AUH: variants seen among roughly 807,000 people sequenced by gnomAD.
AUH encodes the protein AU RNA binding methylglutaconyl-CoA hydratase, also known as methylglutaconyl-CoA hydratase, mitochondrial.
Under a neutral mutation model 42.3 loss-of-function variants are expected in AUH, and 29 were observed. That is an observed-to-expected ratio of 0.69 (90% CI 0.51 to 0.93). AUH has a LOEUF of 0.93. Among genes scored for constraint, AUH ranks in the 40% least tolerant of loss-of-function variants. The probability of loss-of-function intolerance (pLI) is 0.00; values close to 1 mark genes in which losing one functional copy is unlikely to be tolerated. For missense variants in AUH, 452 were observed against 438.1 expected (o/e 1.03, Z -0.28); for synonymous variants, 174 against 166.4 (o/e 1.05, Z -0.35).
At chr9:91,325,474 T>C in intron 3 of AUH, 70 bp from the exon 4 acceptor site, 2 of 1,288,610 alleles carry the variant, frequency 1.6e-6, no homozygotes, top group South Asian at 1.2e-5. Context: ...ATTGAAAATT[T>C]ACTTAAGATT....
chr9:91,306,714 T>C (rs1392506495), intron 4 of AUH, among the ~76,000 whole-genome samples: 2 of 152,214 alleles, frequency 1.3e-5, no homozygotes, highest in Non-Finnish European at 2.9e-5. Context: ...TCTGGATACT[T>C]AAGCTAATCC....
At chr9:91,286,585 TA>T (rs1747727354) in intron 6 of AUH, among the ~76,000 whole-genome samples, 1 of 152,056 alleles carries the variant, frequency 6.6e-6, no homozygotes, top group Non-Finnish European at 1.5e-5. Flanking sequence ...AGGAATCACA[TA>T]ATAAACACAA....
intron 6 of AUH, among the ~76,000 whole-genome samples, chr9:91,269,451 C>A (rs536585609): frequency 1.3e-5 from 2 of 152,168 alleles, no homozygotes; most frequent in South Asian, 4.1e-4. Flanking sequence ...TAAATATAAA[C>A]GTTTAAATTT....
chr9:91,336,777 GATC>G (rs1180629589), intron 3 of AUH, among the ~76,000 whole-genome samples: 5 of 151,960 alleles, frequency 3.3e-5, no homozygotes, highest in Non-Finnish European at 7.3e-5. Context: ...ATCTCTAGCA[GATC>G]ATCATTACTA....
intron 3 of AUH, chr9:91,342,904 C>T (rs532402734): frequency 1.3e-5 from 2 of 152,470 alleles, no homozygotes; most frequent in South Asian, 4.1e-4. Flanking sequence ...TTAACCTACT[C>T]AACATGAAGA....
chr9:91,222,229 T>C (rs567947367), intron 6 of AUH, among the ~76,000 whole-genome samples: 47 of 152,274 alleles, frequency 3.1e-4, no homozygotes, highest in Admixed American at 5.2e-4. Context: ...CACACCTCTA[T>C]GAAAAGTGGA....
intron 3 of AUH, among the ~76,000 whole-genome samples, chr9:91,355,489 G>T (rs527442735): frequency 6.6e-6 from 1 of 151,884 alleles, no homozygotes; most frequent in Non-Finnish European, 1.5e-5. Context: ...CTGGGGAGAC[G>T]AGGGTTGCAG....
chr9:91,261,581 C>G (rs1306199340), intron 6 of AUH, among the ~76,000 whole-genome samples: 1 of 152,192 alleles, frequency 6.6e-6, no homozygotes, highest in African/African-American at 2.4e-5. Context: ...AGGTCACCCT[C>G]GTGCAAATTT....
At chr9:91,315,330 G>A (rs1461750536) in intron 4 of AUH, among the ~76,000 whole-genome samples, 2 of 152,182 alleles carry the variant, frequency 1.3e-5, no homozygotes, top group Non-Finnish European at 2.9e-5. Context: ...CCCACGGAAA[G>A]GCCTGAAGCT....
At chr9:91,307,639 A>G (rs548355849) in intron 4 of AUH, among the ~76,000 whole-genome samples, 16 of 152,380 alleles carry the variant, frequency 1.1e-4, no homozygotes, top group Non-Finnish European at 1.9e-4. Context: ...AACAGACTAT[A>G]TTCATATGAC....
At position 91,258,068 on chromosome 9, in the gene AUH, T is replaced by C. The variant is rs1215992102; in HGVS notation, c.656-37076A>G. On this transcript the variant is annotated intron_variant, in intron 6 of 9. Coordinates refer to ENST00000375731, the MANE Select transcript of AUH (RefSeq NM_001698.3). ...CTTTGCAATGGTCATTGCTAGTACA[T>C]AGAACCACAATTCATTTTATATTTT... 3.3e-5 allele frequency among the ~76,000 whole-genome samples: 5 copies of C among 152,332 alleles called. No homozygotes were observed. The East Asian group carries it at 7.7e-4, about 23-fold the overall frequency.
chr9:91,271,594 T>C (rs1825132405), intron 6 of AUH, among the ~76,000 whole-genome samples: 1 of 152,270 alleles, frequency 6.6e-6, no homozygotes, highest in South Asian at 2.1e-4. Context: ...GCTTGTCCTA[T>C]GACAATTACT....
intron 6 of AUH, among the ~76,000 whole-genome samples, chr9:91,241,753 CTTAA>C (rs1198806980): frequency 6.6e-6 from 1 of 152,060 alleles, no homozygotes; most frequent in Non-Finnish European, 1.5e-5. Flanking sequence ...GATTCCACCC[CTTAA>C]GAGTTGTATT....
At chr9:91,340,355 A>C (rs193096740) in intron 3 of AUH, among the ~76,000 whole-genome samples, 1 of 152,262 alleles carries the variant, frequency 6.6e-6, no homozygotes, top group Non-Finnish European at 1.5e-5. Context: ...AGTCACAAAA[A>C]GGTAACAAAC....
chr9:91,284,236 G>A (rs1050430185), intron 6 of AUH, among the ~76,000 whole-genome samples: 2 of 152,090 alleles, frequency 1.3e-5, no homozygotes, highest in East Asian at 3.9e-4. Flanking sequence ...TTAATAAATG[G>A]TGCTGGGAAA....
intron 6 of AUH, among the ~76,000 whole-genome samples, chr9:91,255,586 A>T (rs759181222): frequency 6.6e-6 from 1 of 151,780 alleles, no homozygotes. Context: ...TAACAGATGC[A>T]TAAGTCTGAA....
At chr9:91,245,744 C>T (rs1340390741) in intron 6 of AUH, among the ~76,000 whole-genome samples, 1 of 152,176 alleles carries the variant, frequency 6.6e-6, no homozygotes, top group Non-Finnish European at 1.5e-5. Context: ...TTCCTCCACA[C>T]AGATGAGAAA....
At chr9:91,274,292 G>A (rs1292237402) in intron 6 of AUH, among the ~76,000 whole-genome samples, 2 of 152,178 alleles carry the variant, frequency 1.3e-5, no homozygotes, top group Non-Finnish European at 2.9e-5. Flanking sequence ...CAATGGGCTA[G>A]ATACTGTTAA....
At chr9:91,338,589 C>T (rs979598206) in intron 3 of AUH, among the ~76,000 whole-genome samples, 1 of 152,182 alleles carries the variant, frequency 6.6e-6, no homozygotes, top group African/African-American at 2.4e-5. Context: ...CACCACCACG[C>T]CCTGCTAATT....
Sources: gnomAD v4.1 joint callset for allele counts (sites outside exome capture counted in the v4.1 genomes callset) on GRCh38, gnomAD v4.1.1 for gene constraint, MANE v1.5 for transcripts, NCBI Gene and HGNC (gene_info 2026-07-23, HGNC 2026-07-21) for gene names.